Variants in WIPF2 observed in about 807,000 individuals in gnomAD.
The protein encoded by WIPF2 is WAS/WASL interacting protein family member 2, also known as WAS/WASL-interacting protein family member 2.
In WIPF2, 23 loss-of-function variants were observed where a neutral mutation model predicts 38.8. That is an observed-to-expected ratio of 0.59 (90% CI 0.43 to 0.84). WIPF2 has a LOEUF of 0.84. Among genes scored for constraint, WIPF2 ranks in the 40% least tolerant of loss-of-function variants. WIPF2 has a pLI of 0.00. For synonymous variants in WIPF2, 210 were observed against 223.2 expected, an observed-to-expected ratio of 0.94 and a Z score of 0.53; for missense variants, 574 against 580.5, an observed-to-expected ratio of 0.99 and a Z score of 0.11.
At chr17:40,261,231 C>A (rs190703316) in intron 3 of WIPF2, among the ~76,000 whole-genome samples, 3 of 151,976 alleles carry the variant, frequency 2.0e-5, no homozygotes, top group Non-Finnish European at 4.4e-5. Context: ...GTCCCTGATT[C>A]TTTAGCCTTC....
intron 1 of WIPF2, among the ~76,000 whole-genome samples, chr17:40,230,014 G>A (rs1447189203): frequency 2.0e-5 from 3 of 152,280 alleles, no homozygotes; most frequent in Non-Finnish European, 4.4e-5. Context: ...CAGGTAGGAG[G>A]CAAGGCTTCA....
At chr17:40,267,859 G>A (rs1435891567) in intron 5 of WIPF2, among the ~76,000 whole-genome samples, 1 of 152,172 alleles carries the variant, frequency 6.6e-6, no homozygotes, top group Non-Finnish European at 1.5e-5. Context: ...GTTATGTCAT[G>A]GAGTCTGGGC....
chr17:40,278,137 C>T, intron 7 of WIPF2, 48 bp from the exon 8 acceptor site: 2 of 1,591,116 alleles, frequency 1.3e-6, no homozygotes, highest in South Asian at 2.3e-5. Flanking sequence ...TGTTCAGATT[C>T]TGGTGGGTGA....
At chr17:40,227,270 A>G (rs2030535206) in intron 1 of WIPF2, among the ~76,000 whole-genome samples, 1 of 151,892 alleles carries the variant, frequency 6.6e-6, no homozygotes, top group African/African-American at 2.4e-5. Flanking sequence ...CAAACTCCTG[A>G]CCTCGTGATC....
chr17:40,270,521 C>T (rs1197486872), intron 5 of WIPF2, among the ~76,000 whole-genome samples: 5 of 152,134 alleles, frequency 3.3e-5, no homozygotes, highest in African/African-American at 4.8e-5. Flanking sequence ...GTCGTCTCAT[C>T]GCTGTCACCT....
chr17:40,223,156 T>C (rs2030325495), intron 1 of WIPF2, among the ~76,000 whole-genome samples: 1 of 151,916 alleles, frequency 6.6e-6, no homozygotes. Context: ...TTTATTTATT[T>C]ATTTTGAGAC....
chr17:40,220,972 G>T (rs1314252339), intron 1 of WIPF2, among the ~76,000 whole-genome samples: 3 of 151,676 alleles, frequency 2.0e-5, no homozygotes, highest in African/African-American at 7.3e-5. Context: ...TAGAGACGGG[G>T]TTTCACTGTG....
intron 1 of WIPF2, among the ~76,000 whole-genome samples, chr17:40,231,369 G>A (rs2030731333): frequency 6.6e-6 from 1 of 151,784 alleles, no homozygotes; most frequent in Admixed American, 6.6e-5. Context: ...TTTTCTTAGT[G>A]GGGACTGTCA....
chr17:40,229,884 A>C (rs1469859724), intron 1 of WIPF2, among the ~76,000 whole-genome samples: 1 of 152,198 alleles, frequency 6.6e-6, no homozygotes, highest in Non-Finnish European at 1.5e-5. Flanking sequence ...GGAGGACAAA[A>C]GACTGACCTA....
intron 5 of WIPF2, among the ~76,000 whole-genome samples, chr17:40,269,798 G>C (rs907796751): frequency 6.7e-6 from 1 of 149,644 alleles, no homozygotes; most frequent in Non-Finnish European, 1.5e-5. Flanking sequence ...GTAGAGATGG[G>C]GTTTCACCAT....
Position 40,256,486 on chromosome 17 carries a change from C to T in WIPF2, c.27C>T (p.Pro9=). ...TGCCAATTCCTCCTCCCCCGCCACC[C>T]CCACCTGGTCCTCCTCCACCTCCCA... MPIPPPPP[P]PPGPPPPPTF... is the part of the protein sequence containing the mutation. The change falls in exon 2 of 8, where the codon CCC becomes CCT. Residue 9 remains proline, a synonymous_variant. Transcript: ENST00000323571. The T allele has an allele frequency of 6.2e-7, 1 of 1,608,514 alleles. No homozygotes were observed. The highest frequency in any genetic ancestry group is 8.5e-7 in the Non-Finnish European group (1 of 1,177,884).
chr17:40,243,545 G>C, intron 1 of WIPF2, among the ~76,000 whole-genome samples: 1 of 151,490 alleles, frequency 6.6e-6, no homozygotes, highest in Non-Finnish European at 1.5e-5. Context: ...ACAGAGTCTT[G>C]CTCTGTCGCC....
At chr17:40,224,689 G>A (rs529181665) in intron 1 of WIPF2, among the ~76,000 whole-genome samples, 226 of 151,810 alleles carry the variant, frequency 1.5e-3, no homozygotes, top group Middle Eastern at 3.4e-3. Context: ...CATCTTGTCT[G>A]TGTCACAGTT....
chr17:40,278,243 T>C lies in WIPF2; in HGVS notation c.*18T>C. Reference sequence around the variant, plus strand: ...TCAGGTGAAGCCTGGCTTGGTCCCGTTCCTCAGGAAAAGGATGGACCTTCT... The same window carrying C: ...TCAGGTGAAGCCTGGCTTGGTCCCGCTCCTCAGGAAAAGGATGGACCTTCT... On this transcript the variant is annotated 3_prime_UTR_variant, in exon 8 of 8. Coordinates refer to ENST00000323571, the MANE Select transcript of WIPF2 (RefSeq NM_133264.5). The C allele has an allele frequency of 1.2e-6, 2 of 1,613,434 alleles. No individual in the cohort carries two copies. Among genetic ancestry groups the C allele is most frequent in the Non-Finnish European group, 1.7e-6 (2 of 1,179,706 alleles).
rs957830602 is a variant in WIPF2, at chr17:40,219,426, C to T, written c.-136C>T. The stretch of plus-strand genomic sequence containing the variant: ...CGGCGAGAAAGAGCTTGCCGGGGGG[C>T]GAGCAGGACAGGACGAAGCCGGAGT... On this transcript the variant is annotated 5_prime_UTR_variant, in exon 1 of 8. Coordinates refer to ENST00000323571, the MANE Select transcript of WIPF2 (RefSeq NM_133264.5). 2.3e-4 allele frequency: 87 copies of T among 371,244 alleles called. No individual in the cohort carries two copies. Among genetic ancestry groups the T allele is most frequent in the Non-Finnish European group, 3.9e-4 (77 of 195,920 alleles). 23.0% of individuals were successfully genotyped at this position (371,244 alleles called of 1,614,324 possible).
At chr17:40,227,392 A>G (rs1185889716) in intron 1 of WIPF2, among the ~76,000 whole-genome samples, 3 of 152,178 alleles carry the variant, frequency 2.0e-5, no homozygotes, top group Admixed American at 6.6e-5. Flanking sequence ...AAAAAAGTAT[A>G]TAAGCAGGAT....
At chr17:40,278,098 C>A in intron 7 of WIPF2, 87 bp from the exon 8 acceptor site, 1 of 1,442,622 alleles carries the variant, frequency 6.9e-7, no homozygotes, top group Non-Finnish European at 9.6e-7. Flanking sequence ...GCTTAAAGAG[C>A]CTGTCTCTCA....
At chr17:40,224,241 T>C (rs937196963) in intron 1 of WIPF2, among the ~76,000 whole-genome samples, 33 of 143,696 alleles carry the variant, frequency 2.3e-4, no homozygotes, top group Non-Finnish European at 4.4e-4. Flanking sequence ...CTTTTTTTTT[T>C]TTTTTTTTGA....
In WIPF2 at chr17:40,283,184, A is replaced by AC. The variant is rs2032589198; in HGVS notation, c.*4959_*4960insC. On this transcript the variant is annotated 3_prime_UTR_variant, in exon 8 of 8. Coordinates refer to ENST00000323571, the MANE Select transcript of WIPF2 (RefSeq NM_133264.5). ...AAAAAAAAAAAAAAAAAAAAAAAAA[A>AC]AAAAAAAATTCTAGAGTTCTAGTTA... is the stretch of plus-strand genomic sequence containing the variant. 1 of 148,478 alleles carries AC rather than the reference A, an allele frequency of 6.7e-6. No individual in the cohort carries two copies. The highest frequency in any genetic ancestry group is 2.5e-5 in the African/African-American group (1 of 40,174). The allele number at this position is 148,478 out of a possible 1,614,324, so 9.2% of individuals were successfully genotyped here.
Sources: allele counts gnomAD v4.1 joint callset (sites outside exome capture counted in the v4.1 genomes callset), GRCh38; gene constraint gnomAD v4.1.1; transcripts MANE v1.5; gene names NCBI Gene and HGNC (gene_info 2026-07-23, HGNC 2026-07-21).